TSC1: variants seen among roughly 807,000 people sequenced by gnomAD.
TSC1 encodes the protein TSC complex subunit 1, also known as hamartin.
In TSC1, 20 loss-of-function variants were observed where a neutral mutation model predicts 124.3. That is an observed-to-expected ratio of 0.16 (90% CI 0.11 to 0.23). TSC1 has a LOEUF of 0.23. Ranked by LOEUF, TSC1 falls within the 10% of genes least tolerant of loss-of-function variation. The pLI is 1.00. For missense variants in TSC1, 1,124 were observed against 1,448.5 expected (o/e 0.78, Z 3.64); for synonymous variants, 493 against 539.1 (o/e 0.91, Z 1.19).
At chr9:132,914,864 G>A (rs539305412) in intron 8 of TSC1, among the ~76,000 whole-genome samples, 1 of 150,830 alleles carries the variant, frequency 6.6e-6, no homozygotes, top group African/African-American at 2.4e-5. Context: ...GCTAGACTCT[G>A]AAAAAAAGAG....
intron 6 of TSC1, among the ~76,000 whole-genome samples, chr9:132,922,267 A>C (rs1846610990): frequency 6.6e-6 from 1 of 152,196 alleles, no homozygotes; most frequent in African/African-American, 2.4e-5. Flanking sequence ...GCCACTGCCC[A>C]AAAAGGATCC....
chr9:132,928,561 G>T (rs942208030), intron 3 of TSC1, among the ~76,000 whole-genome samples: 1 of 152,158 alleles, frequency 6.6e-6, no homozygotes, highest in African/African-American at 2.4e-5. Context: ...GATTCATGGG[G>T]TTCACTGCAT....
rs796053460 is a variant in TSC1, at chr9:132,902,621, T to C, written c.2375A>G (p.Gln792Arg). 6.2e-6 allele frequency: 10 copies of C among 1,614,008 alleles called. No individual in the cohort carries two copies. In the South Asian group the frequency reaches 9.9e-5, roughly 16 times the overall value. Residue 792 changes from glutamine (Q) to arginine (R), a missense_variant, in exon 18 of 23, where the codon CAG becomes CGG. Transcript: ENST00000298552. This position sits in a 1 kb window ranked among gnomAD's most constrained non-coding sequence, Gnocchi z 5.2. Reference protein sequence around the residue: ...LQHDREEFYNQSQELQTKLED... With the variant: ...LQHDREEFYNRSQELQTKLED... ...AGTTTATACCTGTAATTCCTGGCTCTGGTTGTAGAATTCCTCTCGGTCATG... is the reference window on the plus strand; with the variant it reads ...AGTTTATACCTGTAATTCCTGGCTCCGGTTGTAGAATTCCTCTCGGTCATG...
Position 132,911,561 on chromosome 9 carries a change from A to C in TSC1, c.921T>G (p.Ala307=), listed in dbSNP as rs397514826. The change falls in exon 10 of 23, where the codon GCT becomes GCG. Residue 307 remains alanine, a synonymous_variant. Transcript: ENST00000298552. Reference sequence around the variant, plus strand: ...GAGACGTGGAGTAAGGGGTAGAAGTAGCACACCCTAAAATGGAAGAGAAGA... The same window carrying C: ...GAGACGTGGAGTAAGGGGTAGAAGTCGCACACCCTAAAATGGAAGAGAAGA... ...YADTQNSYGC[A]TSTPYSTSRL... The C allele has an allele frequency of 6.5e-7, 1 of 1,532,988 alleles. No individual in the cohort carries two copies. Among genetic ancestry groups the C allele is most frequent in the Non-Finnish European group, 8.9e-7 (1 of 1,128,156 alleles). The allele number at this position is 1,532,988 out of a possible 1,614,324, so 95.0% of individuals were successfully genotyped here. A position where few individuals can be genotyped will look rare whatever the true frequency, so the allele number is the denominator to read the frequency against.
Position 132,896,308 on chromosome 9 carries a change from G to C in TSC1, c.3422C>G (p.Ser1141Cys), listed in dbSNP as rs1344689860. Residue 1141 changes from serine (S) to cysteine (C), a missense_variant, in exon 23 of 23, where the codon TCT (serine) becomes TGT (cysteine). Physicochemically the swap from Ser to Cys is moderately radical, Grantham distance 112. Transcript: ENST00000298552. This position sits in a 1 kb window ranked among gnomAD's most constrained non-coding sequence, Gnocchi z 4.5. Reference protein sequence around the residue: ...IPLNLDGPHPSPPTPDSVGQL... With the variant: ...IPLNLDGPHPCPPTPDSVGQL... The stretch of plus-strand genomic sequence containing the variant: ...TCCAACACTGTCCGGGGTCGGGGGA[G>C]ACGGGTGAGGGCCATCTAGGTTCAG... 3 of 1,614,208 alleles carry C rather than the reference G, an allele frequency of 1.9e-6. No homozygotes were observed. The highest frequency in any genetic ancestry group is 2.5e-6 in the Non-Finnish European group (3 of 1,180,034).
At chr9:132,918,672 C>G (rs565160415) in intron 8 of TSC1, among the ~76,000 whole-genome samples, 46 of 152,276 alleles carry the variant, frequency 3.0e-4, no homozygotes, top group Non-Finnish European at 4.7e-4. Flanking sequence ...CAGAGGTAGT[C>G]AGACCCCTAC....
intron 8 of TSC1, among the ~76,000 whole-genome samples, chr9:132,915,628 C>T (rs1172842781): frequency 6.6e-6 from 1 of 152,184 alleles, no homozygotes; most frequent in African/African-American, 2.4e-5. Context: ...TTAGTAACTC[C>T]ATCAGAGATT....
At chr9:132,905,049 C>T (rs1442521415) in intron 15 of TSC1, among the ~76,000 whole-genome samples, 3 of 152,090 alleles carry the variant, frequency 2.0e-5, no homozygotes, top group Non-Finnish European at 2.9e-5. Context: ...GATGGGAAAC[C>T]GTTTCTCAGC....
In TSC1 at chr9:132,894,615, C is replaced by A. The variant is rs1844933635; in HGVS notation, c.*1620G>T. 4.7e-6 allele frequency: 1 copy of A among 212,114 alleles called. No homozygotes were observed. The highest frequency in any genetic ancestry group is 6.9e-5 in the East Asian group (1 of 14,558). The allele number at this position is 212,114 out of a possible 1,614,324, so 13.1% of individuals were successfully genotyped here. A position where few individuals can be genotyped will look rare whatever the true frequency, so the allele number is the denominator to read the frequency against. On this transcript the variant is annotated 3_prime_UTR_variant, in exon 23 of 23. Transcript: ENST00000298552. Reference sequence around the variant, plus strand: ...AAAGCCTGCCTGAACAGGTTTTCTGCTGGTATAGCTAGGGTGACAGAGTCT... The same window carrying A: ...AAAGCCTGCCTGAACAGGTTTTCTGATGGTATAGCTAGGGTGACAGAGTCT...
intron 1 of TSC1, among the ~76,000 whole-genome samples, chr9:132,938,520 G>A (rs1847578460): frequency 6.6e-6 from 1 of 152,134 alleles, no homozygotes; most frequent in Non-Finnish European, 1.5e-5. Context: ...TAAGTATTTT[G>A]AGATGAAACA....
intron 16 of TSC1, among the ~76,000 whole-genome samples, chr9:132,904,119 G>A (rs1393738936): frequency 4.6e-5 from 7 of 152,048 alleles, no homozygotes; most frequent in Admixed American, 2.0e-4. Context: ...CACTTCCTTC[G>A]CTGTGTGTTC....
chr9:132,905,357 T>C (rs542812841), intron 15 of TSC1, among the ~76,000 whole-genome samples: 4 of 152,170 alleles, frequency 2.6e-5, no homozygotes, highest in African/African-American at 4.8e-5. Flanking sequence ...AAGACTCATT[T>C]TGAAATGGAC....
At chr9:132,907,417 C>A (rs142766223) in intron 12 of TSC1, 47 bp from the exon 13 acceptor site, 1 of 1,470,274 alleles carries the variant, frequency 6.8e-7, no homozygotes, top group Non-Finnish European at 9.5e-7. Flanking sequence ...AAATGTTGCA[C>A]ATGTTCTCGA....
intron 12 of TSC1, 61 bp from the exon 13 acceptor site, chr9:132,907,431 T>C (rs904102428): frequency 3.7e-6 from 5 of 1,335,592 alleles, no homozygotes; most frequent in Non-Finnish European, 4.3e-6. Context: ...TTCTCGAGCA[T>C]ATTGTAAAGT....
intron 12 of TSC1, chr9:132,910,348 G>A: frequency 1.4e-6 from 1 of 713,504 alleles, no homozygotes; most frequent in South Asian, 1.8e-5. Context: ...TTGACCTGCT[G>A]GGTTCCCCAC....
Position 132,921,794 on chromosome 9 carries a change from A to T in TSC1, c.663+25T>A, listed in dbSNP as rs2132147703. On this transcript the variant is annotated intron_variant, in intron 7 of 22. Coordinates refer to ENST00000298552, the MANE Select transcript of TSC1 (RefSeq NM_000368.5). This position sits in a 1 kb window ranked among gnomAD's most constrained non-coding sequence, Gnocchi z 4.3. The stretch of plus-strand genomic sequence containing the variant: ...CTATCTAAACAGTATACTAAGTAGC[A>T]AACAAACAAGCAGTTTCAATTTACC... 6.2e-7 allele frequency: 1 copy of T among 1,613,938 alleles called. No homozygotes were observed. The highest frequency in any genetic ancestry group is 8.5e-7 in the Non-Finnish European group (1 of 1,179,888).
At position 132,896,549 on chromosome 9, in the gene TSC1, T is replaced by C. The variant is rs1203493016; in HGVS notation, c.3181A>G (p.Ser1061Gly). ...TCTCCCATAGTCGTCTCCCACCGACTGCTGAATGGGCCTGCCCTCTGGTGT... is the reference window on the plus strand; with the variant it reads ...TCTCCCATAGTCGTCTCCCACCGACCGCTGAATGGGCCTGCCCTCTGGTGT... The part of the protein sequence containing the change: ...PPHQRAGPFS[S>G]RWETTMGEAS... Residue 1061 changes from serine to glycine, a missense_variant, in exon 23 of 23, where the codon AGT becomes GGT. Transcript: ENST00000298552. The surrounding 1 kb of genome is among the most constrained non-coding windows in gnomAD (Gnocchi z 4.5). 1 of 1,614,090 alleles carries C rather than the reference T, an allele frequency of 6.2e-7. No homozygotes were observed. Among genetic ancestry groups the C allele is most frequent in the African/African-American group, 1.3e-5 (1 of 74,936 alleles).
intron 20 of TSC1, chr9:132,900,349 G>A: frequency 2.8e-6 from 1 of 352,938 alleles, no homozygotes; most frequent in Non-Finnish European, 5.6e-6. Flanking sequence ...AAAATGGTAT[G>A]TACAGCACTC....
chr9:132,937,995 C>T (rs369507731), intron 1 of TSC1, among the ~76,000 whole-genome samples: 34 of 152,146 alleles, frequency 2.2e-4, no homozygotes, highest in African/African-American at 8.0e-4. Context: ...GGGTTACAGG[C>T]GTGAGCCCCC....
Sources: allele counts gnomAD v4.1 joint callset (sites outside exome capture counted in the v4.1 genomes callset), GRCh38; gene constraint gnomAD v4.1.1; non-coding constraint Gnocchi (gnomAD v3.1); transcripts MANE v1.5; gene names NCBI Gene and HGNC (gene_info 2026-07-23, HGNC 2026-07-21).